Variants in OXR1 observed in about 807,000 individuals in gnomAD.
The protein encoded by OXR1 is oxidation resistance 1.
Under a neutral mutation model 104.6 loss-of-function variants are expected in OXR1, and 41 were observed. The ratio of observed to expected loss-of-function variants is 0.39; its 90% CI spans 0.31 to 0.51. OXR1 has a LOEUF of 0.51. Among genes scored for constraint, OXR1 ranks in the 20% least tolerant of loss-of-function variants. The probability of loss-of-function intolerance (pLI) is 0.77; values close to 1 mark genes in which losing one functional copy is unlikely to be tolerated. For synonymous variants in OXR1, 348 were observed against 348.4 expected (o/e 1.00, Z 0.01); for missense variants, 955 against 1,031.9 (o/e 0.93, Z 1.02).
intron 2 of OXR1, among the ~76,000 whole-genome samples, chr8:106,374,954 C>G (rs1041100732): frequency 3.3e-5 from 5 of 152,086 alleles, no homozygotes; most frequent in African/African-American, 1.2e-4. Flanking sequence ...TGGTTTTGCT[C>G]CAACAATTGA....
intron 1 of OXR1, among the ~76,000 whole-genome samples, chr8:106,343,476 C>T (rs1013820133): frequency 2.0e-5 from 3 of 152,152 alleles, no homozygotes; most frequent in African/African-American, 4.8e-5. Context: ...GTCTCAGGTT[C>T]GGTGTGATAG....
chr8:106,687,603 C>T (rs1828860989), intron 6 of OXR1, among the ~76,000 whole-genome samples: 1 of 151,838 alleles, frequency 6.6e-6, no homozygotes, highest in Non-Finnish European at 1.5e-5. Context: ...ACTTGTAATT[C>T]CAGCCACTCA....
intron 3 of OXR1, among the ~76,000 whole-genome samples, chr8:106,627,050 T>G (rs970073265): frequency 1.3e-5 from 2 of 152,064 alleles, no homozygotes; most frequent in African/African-American, 2.4e-5. Context: ...TACATGCACA[T>G]GTTATGCAAA....
intron 3 of OXR1, among the ~76,000 whole-genome samples, chr8:106,636,705 G>A (rs1276337054): frequency 6.6e-6 from 1 of 151,310 alleles, no homozygotes; most frequent in Non-Finnish European, 1.5e-5. Context: ...AAGGATCTAA[G>A]TTTTTCTTTA....
rs142053139 is a variant in OXR1 at position 106,702,988 on chromosome 8, A to G, written c.758A>G (p.Asn253Ser). The change falls in exon 8 of 17, where the codon AAT becomes AGT. Residue 253 changes from asparagine to serine, a missense_variant. Physicochemically the swap from Asn to Ser is conservative, Grantham distance 46. Transcript: ENST00000517566. ...AAAAATGACCCTTTGGTTCAAGAGA[A>G]TGGCTGTGAGGAATATGGCATCATG... The part of the protein sequence containing the change: ...PHKNDPLVQE[N>S]GCEEYGIMCP... 2.3e-5 allele frequency: 37 copies of G among 1,613,592 alleles called. No homozygotes were observed. The African/African-American group carries it at 3.1e-4, about 13-fold the overall frequency.
intron 1 of OXR1, among the ~76,000 whole-genome samples, chr8:106,312,413 A>C (rs1178848411): frequency 6.6e-6 from 1 of 152,230 alleles, no homozygotes; most frequent in Non-Finnish European, 1.5e-5. Flanking sequence ...AAAACGAGGC[A>C]GAAGCCACAG....
intron 3 of OXR1, among the ~76,000 whole-genome samples, chr8:106,663,744 C>T (rs1403495941): frequency 6.6e-6 from 1 of 152,146 alleles, no homozygotes; most frequent in Non-Finnish European, 1.5e-5. Flanking sequence ...TTGTGAACTG[C>T]ACATGCAAGG....
At chr8:106,315,111 T>C (rs1813875264) in intron 1 of OXR1, among the ~76,000 whole-genome samples, 1 of 152,108 alleles carries the variant, frequency 6.6e-6, no homozygotes, top group Admixed American at 6.6e-5. Context: ...CCTAGGCTTT[T>C]TAAGTTTCCA....
intron 3 of OXR1, among the ~76,000 whole-genome samples, chr8:106,591,922 A>G (rs1363165132): frequency 6.6e-6 from 1 of 152,226 alleles, no homozygotes; most frequent in African/African-American, 2.4e-5. Context: ...ATGAGGGGAC[A>G]CCTGGCGTGA....
chr8:106,616,155 A>C (rs3101524), intron 3 of OXR1, among the ~76,000 whole-genome samples: 58,155 of 146,358 alleles, frequency 0.4, 11,714 homozygotes, highest in African/African-American at 0.49. Context: ...CATTCTCCTG[A>C]CTCAGCCTCC....
Position 106,713,976 on chromosome 8 carries a change from A to G in OXR1, c.1947A>G (p.Arg649=). 1 of 1,572,468 alleles carries G rather than the reference A, an allele frequency of 6.4e-7. No individual in the cohort carries two copies. Among genetic ancestry groups the G allele is most frequent in the South Asian group, 1.2e-5 (1 of 83,732 alleles). The change falls in exon 11 of 17, where the codon AGA becomes AGG. Residue 649 remains arginine, a synonymous_variant. Coordinates refer to ENST00000517566, the MANE Select transcript of OXR1 (RefSeq NM_001198533.2). The stretch of plus-strand genomic sequence containing the variant: ...ATTCTAGTAATCAAGCAGCAGCCAG[A>G]GAATGGGAGGTAAGGAGAAAAATAT... ...IEDSSNQAAA[R]EWEVVSVAEY... is the part of the protein sequence containing the mutation.
intron 1 of OXR1, among the ~76,000 whole-genome samples, chr8:106,297,125 A>G (rs187988054): frequency 7.2e-5 from 11 of 152,320 alleles, no homozygotes; most frequent in Admixed American, 6.5e-4. Context: ...GAATACAGTA[A>G]TCTGTATATA....
intron 2 of OXR1, among the ~76,000 whole-genome samples, chr8:106,393,808 G>A (rs935187638): frequency 6.6e-6 from 1 of 151,600 alleles, no homozygotes; most frequent in Non-Finnish European, 1.5e-5. Flanking sequence ...TATGATTTTG[G>A]TATCAAATTT....
At chr8:106,613,467 C>T (rs575368522) in intron 3 of OXR1, among the ~76,000 whole-genome samples, 1 of 152,216 alleles carries the variant, frequency 6.6e-6, no homozygotes, top group African/African-American at 2.4e-5. Context: ...GGCACGATCT[C>T]GGCTCACTGG....
rs1817244934 is a variant in OXR1 at position 106,568,604 on chromosome 8, T to TTGTCAC, written c.220+49468_220+49473dup. On this transcript the variant is annotated intron_variant, in intron 3 of 16. Transcript: ENST00000517566. The stretch of plus-strand genomic sequence containing the variant: ...TCCCTCCTGCTGTTCCCTTTTCCTT[T>TTGTCAC]TGTCACTGAGGTCTCACATCCAGTT... Among the ~76,000 whole-genome samples the TTGTCAC allele has an allele frequency of 3.3e-5, 5 of 152,252 alleles. 1 individual carries two copies. In the South Asian group the frequency reaches 1.0e-3, roughly 32 times the overall value.
rs138416204 is a variant in OXR1, at chr8:106,359,496, A to G, written c.-118A>G. The G allele has an allele frequency of 7.8e-5, 57 of 727,786 alleles. No individual in the cohort carries two copies. The East Asian group carries it at 1.5e-3, about 19-fold the overall frequency. The allele number at this position is 727,786 out of a possible 1,614,324, so 45.1% of individuals were successfully genotyped here. A position where few individuals can be genotyped will look rare whatever the true frequency, so the allele number is the denominator to read the frequency against. On this transcript the variant is annotated 5_prime_UTR_variant, in exon 2 of 17. Coordinates refer to ENST00000517566, the MANE Select transcript of OXR1 (RefSeq NM_001198533.2). ...TATAGGTCCTCTCAAACTGTGAGTA[A>G]CTAAGTGGTTTGTGCATCATTCCAG... is the stretch of plus-strand genomic sequence containing the variant.
chr8:106,412,882 C>G (rs1315375303), intron 2 of OXR1, among the ~76,000 whole-genome samples: 1 of 152,004 alleles, frequency 6.6e-6, no homozygotes, highest in Non-Finnish European at 1.5e-5. Flanking sequence ...ACATGTATCT[C>G]TTCTATAATC....
intron 3 of OXR1, among the ~76,000 whole-genome samples, chr8:106,576,605 C>G (rs1297833729): frequency 6.6e-6 from 1 of 151,530 alleles, no homozygotes; most frequent in African/African-American, 2.4e-5. Flanking sequence ...TAAAGGTAAA[C>G]AACAGAAATT....
At chr8:106,492,200 A>T (rs1563558575) in intron 2 of OXR1, among the ~76,000 whole-genome samples, 1 of 152,074 alleles carries the variant, frequency 6.6e-6, no homozygotes, top group Admixed American at 6.6e-5. Flanking sequence ...TGACAGAGGA[A>T]CTCATTTGTT....
Sources: allele counts gnomAD v4.1 joint callset (sites outside exome capture counted in the v4.1 genomes callset), GRCh38; gene constraint gnomAD v4.1.1; transcripts MANE v1.5; gene names NCBI Gene and HGNC (gene_info 2026-07-23, HGNC 2026-07-21).